CYTIP: variants seen among roughly 807,000 people sequenced by gnomAD.
CYTIP encodes cytohesin-interacting protein.
In CYTIP, 26 loss-of-function variants were observed where a neutral mutation model predicts 43.8. The observed-to-expected ratio is 0.59, with a 90% CI of 0.44 to 0.82. CYTIP has a LOEUF of 0.82. CYTIP is among the 40% of genes least tolerant of loss of function. CYTIP has a pLI of 0.00. For missense variants in CYTIP, 426 were observed against 443.1 expected (o/e 0.96, Z 0.35); for synonymous variants, 162 against 162.9 (o/e 0.99, Z 0.04).
In CYTIP at chr2:157,430,898, T is replaced by C. The variant is rs900629225; in HGVS notation, c.344A>G (p.Gln115Arg). 6.2e-6 allele frequency: 10 copies of C among 1,613,962 alleles called. No homozygotes were observed. In the Admixed American group the frequency reaches 1.2e-4, roughly 19 times the overall value. The change falls in exon 4 of 8, where the codon CAG becomes CGG. Residue 115 changes from glutamine to arginine, a missense_variant. Coordinates refer to ENST00000264192, the MANE Select transcript of CYTIP (RefSeq NM_004288.5). Reference sequence around the variant, plus strand: ...AGCACAGTGAGCTGGGCTGTCCTCCTGTATTTTGCATATCAAAGTGAACAT... The same window carrying C: ...AGCACAGTGAGCTGGGCTGTCCTCCCGTATTTTGCATATCAAAGTGAACAT... ...SEMFTLICKIQEDSPAHCAGL... is the reference protein window; with the variant it reads ...SEMFTLICKIREDSPAHCAGL...
chr2:157,428,077 T>A (rs180813640), intron 5 of CYTIP, among the ~76,000 whole-genome samples: 21 of 152,372 alleles, frequency 1.4e-4, no homozygotes, highest in African/African-American at 4.8e-4. Context: ...ATTATCAACT[T>A]ACCAGTGTTC....
intron 6 of CYTIP, among the ~76,000 whole-genome samples, chr2:157,420,950 G>A: frequency 6.6e-6 from 1 of 152,184 alleles, no homozygotes; most frequent in Middle Eastern, 3.2e-3. Context: ...AGCACTGGCT[G>A]ACTTTATATA....
chr2:157,418,624 T>A (rs1685476191), intron 6 of CYTIP, 35 bp from the exon 7 acceptor site: 3 of 1,476,614 alleles, frequency 2.0e-6, no homozygotes, highest in Non-Finnish European at 2.8e-6. Flanking sequence ...AAAGTTTTTA[T>A]TATTAGGAAA....
In CYTIP at chr2:157,416,089, A is replaced by C; in HGVS notation, c.668T>G (p.Leu223Trp). The change falls in exon 8 of 8, where the codon TTG (leucine) becomes TGG (tryptophan). Residue 223 changes from leucine to tryptophan, a missense_variant. By Grantham distance (61) the Leu-to-Trp change is moderately conservative. Coordinates refer to ENST00000264192, the MANE Select transcript of CYTIP (RefSeq NM_004288.5). ...GCCTGGCCCAGGCAGGGGTCCAAAC[A>C]AAGACAATTCATCCAAGTCCATGTT... ...LENMDLDELS[L>W]FGPLPGPGPA... is the part of the protein sequence containing the mutation. The C allele has an allele frequency of 6.2e-7, 1 of 1,613,992 alleles. No homozygotes were observed. Among genetic ancestry groups the C allele is most frequent in the Non-Finnish European group, 8.5e-7 (1 of 1,179,972 alleles).
chr2:157,439,459 A>G (rs1685868167), intron 1 of CYTIP: 1 of 144,030 alleles, frequency 6.9e-6, no homozygotes, highest in African/African-American at 2.5e-5. Flanking sequence ...TTGCACTTTG[A>G]AAAAAAAAAA....
chr2:157,430,410 C>A, intron 5 of CYTIP, 149 bp downstream of exon 5: 1 of 645,448 alleles, frequency 1.5e-6, no homozygotes, highest in Non-Finnish European at 2.8e-6. Flanking sequence ...ACAAAAGGAA[C>A]TGATAATGTT....
chr2:157,416,848 G>T (rs1250185687), intron 7 of CYTIP, among the ~76,000 whole-genome samples: 1 of 152,002 alleles, frequency 6.6e-6, no homozygotes, highest in African/African-American at 2.4e-5. Flanking sequence ...TATCTGCTTG[G>T]CTAAATTTTT....
chr2:157,434,184 T>C (rs1168671631), intron 3 of CYTIP, 186 bp downstream of exon 3: 4 of 636,086 alleles, frequency 6.3e-6, no homozygotes, highest in Non-Finnish European at 1.1e-5. Flanking sequence ...GTTATCATCT[T>C]CAATGTTTTC....
intron 6 of CYTIP, among the ~76,000 whole-genome samples, chr2:157,423,688 T>C (rs1377606264): frequency 6.6e-6 from 1 of 151,956 alleles, no homozygotes; most frequent in Non-Finnish European, 1.5e-5. Context: ...AAAATAAAAT[T>C]ACAGGCCAGT....
chr2:157,434,321 C>T (rs779017907), intron 3 of CYTIP, 49 bp downstream of exon 3: 23 of 1,402,718 alleles, frequency 1.6e-5, no homozygotes, highest in Non-Finnish European at 2.0e-5. Context: ...ATGACACTAC[C>T]GGTGCCACTT....
chr2:157,422,855 T>G (rs1685544162), intron 6 of CYTIP, among the ~76,000 whole-genome samples: 1 of 151,944 alleles, frequency 6.6e-6, no homozygotes, highest in Non-Finnish European at 1.5e-5. Flanking sequence ...TTTTTATAAC[T>G]CAATAGAAAT....
At chr2:157,438,969 T>C (rs1685859703) in intron 1 of CYTIP, 2 of 412,014 alleles carry the variant, frequency 4.9e-6, no homozygotes, top group Non-Finnish European at 1.0e-5. Context: ...TCATTCTGGA[T>C]AGATTCAAAT....
chr2:157,417,139 G>A (rs569769241), intron 7 of CYTIP, among the ~76,000 whole-genome samples: 16 of 152,172 alleles, frequency 1.1e-4, no homozygotes, highest in East Asian at 1.9e-4. Flanking sequence ...TTTTGTCCTC[G>A]GTTGACAATA....
chr2:157,422,064 G>T (rs527426488), intron 6 of CYTIP, among the ~76,000 whole-genome samples: 16 of 152,150 alleles, frequency 1.1e-4, no homozygotes, highest in Non-Finnish European at 2.1e-4. Flanking sequence ...TGATGCTGCT[G>T]GCTATGGCTC....
rs1187146184 is a variant in CYTIP, at chr2:157,434,837, TCTCTCTCTCTCTCACACACACA to T, written c.175-112_175-91del. 99 of 477,188 alleles carry T rather than the reference TCTCTCTCTCTCTCACACACACA, an allele frequency of 2.1e-4. No individual in the cohort carries two copies. The African/African-American group carries it at 2.3e-3, about 11-fold the overall frequency. The allele number at this position is 477,188 out of a possible 1,614,324, so 29.6% of individuals were successfully genotyped here. A position where few individuals can be genotyped will look rare whatever the true frequency, so the allele number is the denominator to read the frequency against. ...ATCTCTCTCTCTCTCTCTCTCTCTC[TCTCTCTCTCTCTCACACACACA>T]CACACACACACACACACACACACAC... On this transcript the variant is annotated intron_variant, in intron 1 of 7. Coordinates refer to ENST00000264192, the MANE Select transcript of CYTIP (RefSeq NM_004288.5).
chr2:157,434,593 CGT>C, intron 2 of CYTIP, 103 bp downstream of exon 2: 1 of 658,768 alleles, frequency 1.5e-6, no homozygotes, highest in South Asian at 1.7e-5. Flanking sequence ...TGTGTGTGTG[CGT>C]AGAGAGAGAG....
At chr2:157,443,610 TC>T (rs1685950525) in intron 1 of CYTIP, among the ~76,000 whole-genome samples, 1 of 152,156 alleles carries the variant, frequency 6.6e-6, no homozygotes, top group Non-Finnish European at 1.5e-5. Context: ...CCTGAGCACT[TC>T]TTCAAATAAG....
intron 5 of CYTIP, among the ~76,000 whole-genome samples, chr2:157,428,336 A>T (rs550262166): frequency 6.6e-6 from 1 of 152,248 alleles, no homozygotes; most frequent in African/African-American, 2.4e-5. Context: ...TGGTAAAAGC[A>T]TTAAATGTGG....
intron 6 of CYTIP, among the ~76,000 whole-genome samples, chr2:157,424,075 C>T (rs915827491): frequency 4.6e-5 from 7 of 152,038 alleles, no homozygotes; most frequent in African/African-American, 1.4e-4. Flanking sequence ...ACAAGGATGC[C>T]TACAACCATA....
Sources: allele counts gnomAD v4.1 joint callset (sites outside exome capture counted in the v4.1 genomes callset), GRCh38; gene constraint gnomAD v4.1.1; transcripts MANE v1.5; gene names NCBI Gene and HGNC (gene_info 2026-07-23, HGNC 2026-07-21).